EYS: variants seen among roughly 807,000 people sequenced by gnomAD.
EYS encodes the protein protein eyes shut homolog.
A neutral mutation model predicts 282.1 loss-of-function variants in EYS; 250 were observed. The observed-to-expected ratio is 0.89, with a 90% CI of 0.80 to 0.98. EYS has a LOEUF of 0.98. Among genes scored for constraint, EYS ranks in the 50% least tolerant of loss-of-function variants. EYS has a pLI of 0.00. For missense variants in EYS, 4,016 were observed against 3,709.0 expected (o/e 1.08, Z -2.15); for synonymous variants, 1,355 against 1,282.9 (o/e 1.06, Z -1.20).
rs1375550948 is a variant in EYS, at chr6:65,495,180, A to G, written c.231T>C (p.Ile77=). ...CTCCTAATTGAATTTGCAAAGGGCA[A>G]ATCTGGGGAACAGCTTGATTGCCTG... ...DTSGNQAVPQ[I]CPLQIQLGDI... Residue 77 remains isoleucine (I), a synonymous_variant, in exon 4 of 43, where the codon ATT becomes ATC. Coordinates refer to ENST00000503581, the MANE Select transcript of EYS (RefSeq NM_001142800.2). The G allele has an allele frequency of 1.2e-6, 2 of 1,614,132 alleles. No individual in the cohort carries two copies. Among genetic ancestry groups the G allele is most frequent in the Admixed American group, 3.3e-5 (2 of 60,028 alleles).
chr6:65,692,960 G>C (rs1227203975), intron 1 of EYS, among the ~76,000 whole-genome samples: 1 of 149,694 alleles, frequency 6.7e-6, no homozygotes. Context: ...ATATGGTCTT[G>C]GCTCCTGAGA....
chr6:64,155,643 C>A (rs1774891464), intron 31 of EYS, among the ~76,000 whole-genome samples: 1 of 152,040 alleles, frequency 6.6e-6, no homozygotes, highest in South Asian at 2.1e-4. Context: ...TTACCAGTTG[C>A]CTCATTGCTA....
At chr6:65,275,792 G>A (rs1368496085) in intron 12 of EYS, among the ~76,000 whole-genome samples, 1 of 152,164 alleles carries the variant, frequency 6.6e-6, no homozygotes, top group Non-Finnish European at 1.5e-5. Context: ...CTAGCTACCT[G>A]GTGGCAGATT....
intron 5 of EYS, among the ~76,000 whole-genome samples, chr6:65,483,925 C>G (rs1765694693): frequency 6.6e-6 from 1 of 152,070 alleles, no homozygotes; most frequent in African/African-American, 2.4e-5. Context: ...GACTTATTCA[C>G]TATCATGAGA....
At chr6:65,616,184 A>G (rs1766192781) in intron 2 of EYS, among the ~76,000 whole-genome samples, 1 of 152,024 alleles carries the variant, frequency 6.6e-6, no homozygotes, top group Non-Finnish European at 1.5e-5. Flanking sequence ...CACATGTTTT[A>G]CTCATTTATT....
In EYS at chr6:63,914,639, C is replaced by A. The variant is rs188603465; in HGVS notation, c.7056-50281G>T. 2.9e-3 allele frequency among the ~76,000 whole-genome samples: 433 copies of A among 150,916 alleles called. 2 individuals are homozygous for A. Among genetic ancestry groups the A allele is most frequent in the Non-Finnish European group, 4.5e-3 (303 of 67,870 alleles). On this transcript the variant is annotated intron_variant, in intron 35 of 42. Coordinates refer to ENST00000503581, the MANE Select transcript of EYS (RefSeq NM_001142800.2). ...AGGAGAATCACCTGAACTCGGGAGG[C>A]AGAGATTCCAGTGAGCCAAGATTGC...
chr6:64,755,507 C>G (rs904531470), intron 22 of EYS, among the ~76,000 whole-genome samples: 2,818 of 133,562 alleles, frequency 0.021, 54 homozygotes, highest in African/African-American at 0.052. Flanking sequence ...TACACACACA[C>G]ACACACACAC....
intron 19 of EYS, 102 bp from the exon 20 acceptor site, chr6:64,822,924 T>C (rs534677256): frequency 2.6e-4 from 226 of 860,806 alleles, no homozygotes; most frequent in Non-Finnish European, 3.8e-4. Flanking sequence ...AAGACCTCTC[T>C]CTATAATGAT....
chr6:64,669,015 A>G (rs896655435), intron 22 of EYS, among the ~76,000 whole-genome samples: 5 of 152,098 alleles, frequency 3.3e-5, no homozygotes, highest in Non-Finnish European at 5.9e-5. Flanking sequence ...TGTACCTTCC[A>G]ATATTTCTTC....
chr6:64,391,669 T>C (rs1230371695), intron 28 of EYS, among the ~76,000 whole-genome samples: 1 of 151,912 alleles, frequency 6.6e-6, no homozygotes, highest in Non-Finnish European at 1.5e-5. Context: ...CGCTGCAAAA[T>C]CATGCCAAAA....
chr6:64,353,742 G>C (rs1204447392), intron 29 of EYS, among the ~76,000 whole-genome samples: 1 of 151,592 alleles, frequency 6.6e-6, no homozygotes, highest in African/African-American at 2.4e-5. Context: ...TAAAAGTGCA[G>C]GGATATTGGG....
chr6:65,563,333 T>A (rs936495109), intron 2 of EYS, among the ~76,000 whole-genome samples: 8 of 152,132 alleles, frequency 5.3e-5, no homozygotes, highest in African/African-American at 1.9e-4. Context: ...TCAATAATTA[T>A]TTCAAGTTCA....
intron 18 of EYS, among the ~76,000 whole-genome samples, chr6:64,899,252 T>C (rs1412535034): frequency 1.3e-5 from 2 of 151,814 alleles, no homozygotes; most frequent in Admixed American, 1.3e-4. Context: ...ATCATAACAG[T>C]CTCTCAGACC....
intron 28 of EYS, among the ~76,000 whole-genome samples, chr6:64,421,855 TGGG>T (rs4034647): frequency 9.7e-6 from 1 of 102,922 alleles, no homozygotes; most frequent in African/African-American, 4.1e-5. Flanking sequence ...TTTTTTTGTT[TGGG>T]GGGTGTGTGT....
At chr6:64,549,339 T>G (rs963372167) in intron 26 of EYS, among the ~76,000 whole-genome samples, 4 of 152,232 alleles carry the variant, frequency 2.6e-5, no homozygotes, top group African/African-American at 9.6e-5. Flanking sequence ...TGTCAAAGAA[T>G]GCAACTAATA....
At chr6:64,916,527 C>T (rs1352268674) in intron 15 of EYS, among the ~76,000 whole-genome samples, 1 of 152,172 alleles carries the variant, frequency 6.6e-6, no homozygotes, top group Non-Finnish European at 1.5e-5. Context: ...AATCTGCTTC[C>T]GCACATGTCA....
At chr6:63,913,082 A>G (rs1719833094) in intron 35 of EYS, among the ~76,000 whole-genome samples, 1 of 152,164 alleles carries the variant, frequency 6.6e-6, no homozygotes, top group Admixed American at 6.5e-5. Context: ...AACTTTGACA[A>G]CTTGCCAGAT....
chr6:63,805,960 A>C (rs1770894910), intron 37 of EYS, among the ~76,000 whole-genome samples: 1 of 152,214 alleles, frequency 6.6e-6, no homozygotes, highest in South Asian at 2.1e-4. Flanking sequence ...TTACAGCAGC[A>C]TGAAAACTGA....
At chr6:65,322,532 C>G (rs1205475986) in intron 11 of EYS, among the ~76,000 whole-genome samples, 2 of 152,010 alleles carry the variant, frequency 1.3e-5, no homozygotes, top group Admixed American at 6.6e-5. Flanking sequence ...CGCAGTGGCT[C>G]ATGCCTGTAA....
Sources: gnomAD v4.1 joint callset for allele counts (sites outside exome capture counted in the v4.1 genomes callset) on GRCh38, gnomAD v4.1.1 for gene constraint, MANE v1.5 for transcripts, NCBI Gene and HGNC (gene_info 2026-07-23, HGNC 2026-07-21) for gene names.